Variants in TENM2 observed in about 807,000 individuals in gnomAD.
The protein encoded by TENM2 is teneurin transmembrane protein 2.
TENM2 carries 52 observed loss-of-function variants against 245.2 expected under a neutral mutation model. The observed-to-expected ratio is 0.21, with a 90% CI of 0.17 to 0.27. The LOEUF (loss-of-function observed/expected upper bound fraction) is 0.27. TENM2 is among the 10% of genes least tolerant of loss of function. The pLI, the probability that TENM2 is intolerant of heterozygous loss-of-function variation, is 1.00. For missense variants in TENM2, 3,046 were observed against 3,666.8 expected, an observed-to-expected ratio of 0.83 and a Z score of 4.37; for synonymous variants, 1,363 against 1,438.9, an observed-to-expected ratio of 0.95 and a Z score of 1.19.
At chr5:168,254,914 G>A (rs1581783404) in intron 27 of TENM2, among the ~76,000 whole-genome samples, 1 of 152,028 alleles carries the variant, frequency 6.6e-6, no homozygotes, top group South Asian at 2.1e-4. Context: ...GGGCATGGTG[G>A]TGCGTGCCTG....
chr5:167,618,026 G>T (rs901876297), intron 2 of TENM2, among the ~76,000 whole-genome samples: 1 of 152,128 alleles, frequency 6.6e-6, no homozygotes, highest in African/African-American at 2.4e-5. Context: ...CCGTGCTTGG[G>T]ATTGGAGGTC....
intron 1 of TENM2, among the ~76,000 whole-genome samples, chr5:167,288,931 C>T (rs1424456525): frequency 6.6e-6 from 1 of 152,176 alleles, no homozygotes; most frequent in Non-Finnish European, 1.5e-5. Flanking sequence ...CTTTCTAAGC[C>T]TTTTAAGAAT....
At chr5:167,071,508 A>G in the TENM2 span, among the ~76,000 whole-genome samples, 3 of 152,178 alleles carry the variant, frequency 2.0e-5, no homozygotes, top group African/African-American at 7.2e-5. Flanking sequence ...AGTTTACACA[A>G]GGTCTTATAG....
intron 5 of TENM2, among the ~76,000 whole-genome samples, chr5:168,005,999 C>T (rs1039841425): frequency 6.6e-6 from 1 of 152,146 alleles, no homozygotes; most frequent in Non-Finnish European, 1.5e-5. Context: ...TTATAGTTTC[C>T]ATCGGCTTCT....
At chr5:167,496,318 T>G (rs888657240) in intron 2 of TENM2, among the ~76,000 whole-genome samples, 1 of 152,094 alleles carries the variant, frequency 6.6e-6, no homozygotes, top group African/African-American at 2.4e-5. Context: ...ATTACTTCTT[T>G]CAACTCTGAT....
intron 7 of TENM2, among the ~76,000 whole-genome samples, chr5:168,065,537 A>T (rs1410080388): frequency 6.6e-6 from 1 of 152,238 alleles, no homozygotes; most frequent in Non-Finnish European, 1.5e-5. Context: ...ATAGAAAGCT[A>T]TGATATATGA....
intron 2 of TENM2, among the ~76,000 whole-genome samples, chr5:167,673,304 CAAT>C (rs1207944807): frequency 6.6e-6 from 1 of 151,910 alleles, no homozygotes; most frequent in African/African-American, 2.4e-5. Flanking sequence ...ATAATCATAA[CAAT>C]AATAAAATGA....
chr5:167,467,725 A>T (rs987628766), intron 2 of TENM2, among the ~76,000 whole-genome samples: 25 of 152,184 alleles, frequency 1.6e-4, no homozygotes, highest in African/African-American at 6.0e-4. Flanking sequence ...TGAATAAGCT[A>T]AATTAAAATT....
chr5:167,359,499 T>A (rs1759566737), intron 1 of TENM2, among the ~76,000 whole-genome samples: 1 of 148,310 alleles, frequency 6.7e-6, no homozygotes, highest in South Asian at 2.1e-4. Context: ...GGCCTTGCAC[T>A]CTTCTACTTT....
intron 2 of TENM2, among the ~76,000 whole-genome samples, chr5:167,744,206 A>G (rs1582893329): frequency 6.6e-6 from 1 of 152,214 alleles, no homozygotes; most frequent in Admixed American, 6.5e-5. Flanking sequence ...TATACTTACT[A>G]AGCTCTTACG....
chr5:167,642,455 A>G (rs901316436), intron 2 of TENM2, among the ~76,000 whole-genome samples: 39 of 152,280 alleles, frequency 2.6e-4, no homozygotes, highest in African/African-American at 9.4e-4. Context: ...CCAAAGATAT[A>G]TGTGACACAC....
At chr5:167,509,145 T>A (rs948433534) in intron 2 of TENM2, among the ~76,000 whole-genome samples, 17 of 152,224 alleles carry the variant, frequency 1.1e-4, no homozygotes, top group African/African-American at 3.9e-4. Context: ...CGTGTGCTAT[T>A]TCTCATTGTG....
intron 1 of TENM2, among the ~76,000 whole-genome samples, chr5:167,335,987 T>G (rs1757728169): frequency 6.6e-6 from 1 of 152,052 alleles, no homozygotes; most frequent in Admixed American, 6.6e-5. Flanking sequence ...AAACCAAGAC[T>G]TAATAGGCTA....
intron 1 of TENM2, among the ~76,000 whole-genome samples, chr5:167,289,371 C>A (rs769406988): frequency 3.9e-5 from 6 of 152,150 alleles, no homozygotes; most frequent in Admixed American, 2.6e-4. Context: ...GTGCTTCTTT[C>A]CAGTTAGCAG....
intron 2 of TENM2, among the ~76,000 whole-genome samples, chr5:167,731,278 T>A (rs1313348728): frequency 1.3e-5 from 2 of 151,484 alleles, no homozygotes; most frequent in African/African-American, 2.4e-5. Flanking sequence ...AGATGGAAGA[T>A]GTTCGCCTCC....
rs763988033 is a variant in TENM2, at chr5:168,199,159, C to G, written c.3162+45C>G. 3 of 1,577,692 alleles carry G rather than the reference C, an allele frequency of 1.9e-6. No homozygotes were observed. In the African/African-American group the frequency reaches 4.0e-5, roughly 21 times the overall value. ...GGCGGGACTCTCAGGACTTCCCTAA[C>G]GAAAACCAACTGGACACTGCCTCTC... is the stretch of plus-strand genomic sequence containing the variant. On this transcript the variant is annotated intron_variant, in intron 16 of 28. Coordinates refer to ENST00000518659, the Ensembl canonical transcript of TENM2.
intron 5 of TENM2, among the ~76,000 whole-genome samples, chr5:168,025,910 G>A (rs1454418611): frequency 2.0e-5 from 3 of 152,188 alleles, no homozygotes; most frequent in Non-Finnish European, 4.4e-5. Context: ...TCTCTGTGTG[G>A]GAGAGGGCCT....
intron 4 of TENM2, among the ~76,000 whole-genome samples, chr5:167,991,062 G>A (rs897181096): frequency 1.3e-5 from 2 of 152,132 alleles, no homozygotes; most frequent in African/African-American, 2.4e-5. Flanking sequence ...AACTCCCAGC[G>A]TCAGTTTTCT....
chr5:167,520,422 T>C (rs1249639022), intron 2 of TENM2, among the ~76,000 whole-genome samples: 2 of 152,164 alleles, frequency 1.3e-5, no homozygotes, highest in African/African-American at 4.8e-5. Context: ...TTTTAGTTAA[T>C]CTTCCTCTTG....
Sources: allele counts gnomAD v4.1 joint callset (sites outside exome capture counted in the v4.1 genomes callset), GRCh38; gene constraint gnomAD v4.1.1; transcripts MANE v1.5; gene names NCBI Gene and HGNC (gene_info 2026-07-23, HGNC 2026-07-21).